Variants in SEMA5A observed in about 807,000 individuals in gnomAD.
The protein encoded by SEMA5A is semaphorin 5A, also known as semaphorin-5A.
A neutral mutation model predicts 135.5 loss-of-function variants in SEMA5A; 55 were observed. That is an observed-to-expected ratio of 0.41 (90% confidence interval 0.33 to 0.51). SEMA5A has a LOEUF of 0.51. Ranked by LOEUF, SEMA5A falls within the 20% of genes least tolerant of loss-of-function variation. SEMA5A has a pLI of 0.37. For missense variants in SEMA5A, 1,290 were observed against 1,419.9 expected (o/e 0.91, Z 1.47); for synonymous variants, 580 against 546.5 (o/e 1.06, Z -0.85).
intron 15 of SEMA5A, among the ~76,000 whole-genome samples, chr5:9,113,497 A>C (rs1740351734): frequency 6.6e-6 from 1 of 152,352 alleles, no homozygotes; most frequent in East Asian, 1.9e-4. Context: ...GACGTGATGC[A>C]TGTGCCAATT....
At chr5:9,122,550 C>T (rs1579433608) in intron 14 of SEMA5A, 106 bp downstream of exon 14, 1 of 1,171,104 alleles carries the variant, frequency 8.5e-7, no homozygotes, top group Non-Finnish European at 1.1e-6. Context: ...GGTGTTTCAC[C>T]ACAGTTCTCT....
intron 20 of SEMA5A, 110 bp from the exon 21 acceptor site, chr5:9,050,567 GT>G: frequency 2.2e-6 from 2 of 910,798 alleles, no homozygotes; most frequent in South Asian, 4.7e-5. Context: ...GTGACACAAA[GT>G]TTCAAAAGCT....
chr5:9,459,260 C>T (rs893344839), intron 1 of SEMA5A, among the ~76,000 whole-genome samples: 4 of 152,176 alleles, frequency 2.6e-5, no homozygotes, highest in Non-Finnish European at 4.4e-5. Flanking sequence ...TGCATGATCC[C>T]TTGAGGGTAG....
At chr5:9,475,116 G>C (rs548473323) in intron 1 of SEMA5A, among the ~76,000 whole-genome samples, 1 of 152,308 alleles carries the variant, frequency 6.6e-6, no homozygotes, top group African/African-American at 2.4e-5. Context: ...ATTTTTAGGA[G>C]AGACTGAGTT....
chr5:9,437,468 T>C (rs1241120312), intron 2 of SEMA5A, among the ~76,000 whole-genome samples: 4 of 152,168 alleles, frequency 2.6e-5, no homozygotes, highest in Admixed American at 1.3e-4. Context: ...GTGATCCTCA[T>C]GCCTCAGCCT....
chr5:9,291,290 C>G (rs998678109), intron 5 of SEMA5A, among the ~76,000 whole-genome samples: 1 of 152,168 alleles, frequency 6.6e-6, no homozygotes, highest in Non-Finnish European at 1.5e-5. Context: ...GCATGTCCCC[C>G]ACAGGCTCTC....
chr5:9,394,557 T>C (rs375996492), intron 2 of SEMA5A, among the ~76,000 whole-genome samples: 2 of 152,078 alleles, frequency 1.3e-5, no homozygotes, highest in East Asian at 3.9e-4. Context: ...ATTTATGGAA[T>C]GAACATAACA....
intron 12 of SEMA5A, among the ~76,000 whole-genome samples, chr5:9,139,325 T>C (rs1741936405): frequency 6.6e-6 from 1 of 152,244 alleles, no homozygotes; most frequent in Admixed American, 6.5e-5. Context: ...CATGTAGTTA[T>C]AGGCATTATT....
At chr5:9,408,897 T>C (rs1405087146) in intron 2 of SEMA5A, among the ~76,000 whole-genome samples, 1 of 152,208 alleles carries the variant, frequency 6.6e-6, no homozygotes, top group East Asian at 1.9e-4. Context: ...AACAGAATCC[T>C]ATTTTTAAGA....
At chr5:9,093,535 C>T (rs7727045) in intron 16 of SEMA5A, among the ~76,000 whole-genome samples, 39,442 of 151,692 alleles carry the variant, frequency 0.26, 5,349 homozygotes, top group Non-Finnish European at 0.31. Flanking sequence ...GGTGAAACCC[C>T]GTCTCTACTA....
At chr5:9,207,476 C>T (rs1378352406) in intron 8 of SEMA5A, among the ~76,000 whole-genome samples, 1 of 152,232 alleles carries the variant, frequency 6.6e-6, no homozygotes, top group Non-Finnish European at 1.5e-5. Flanking sequence ...TGAGCCACTG[C>T]CCCTGGTCTA....
rs142722238 is a variant in SEMA5A at position 9,194,134 on chromosome 5, T to A, written c.1068+3034A>T. On this transcript the variant is annotated intron_variant, in intron 10 of 22. Coordinates refer to ENST00000382496, the MANE Select transcript of SEMA5A (RefSeq NM_003966.3). ...CACTGGGCCTCGGTGATGTTTTATATCAGTGATTGCCGCGTGTCTTACTGA... is the reference window on the plus strand; with the variant it reads ...CACTGGGCCTCGGTGATGTTTTATAACAGTGATTGCCGCGTGTCTTACTGA... Among the ~76,000 whole-genome samples, 1,194 of 152,282 alleles carry A rather than the reference T, an allele frequency of 7.8e-3. 11 individuals are homozygous for A. The highest frequency in any genetic ancestry group is 0.014 in the Middle Eastern group (4 of 294).
At chr5:9,458,549 C>T (rs113187150) in intron 1 of SEMA5A, among the ~76,000 whole-genome samples, 15 of 152,294 alleles carry the variant, frequency 9.8e-5, no homozygotes, top group African/African-American at 2.2e-4. Flanking sequence ...CCACCCAGCA[C>T]GCCAAGGCAG....
intron 12 of SEMA5A, among the ~76,000 whole-genome samples, chr5:9,145,460 A>G (rs889465147): frequency 6.6e-6 from 1 of 152,150 alleles, no homozygotes; most frequent in Admixed American, 6.5e-5. Context: ...AATTCACTGG[A>G]CTATGCAGCA....
intron 3 of SEMA5A, among the ~76,000 whole-genome samples, chr5:9,350,926 A>G (rs1203889015): frequency 6.6e-6 from 1 of 152,228 alleles, no homozygotes; most frequent in Non-Finnish European, 1.5e-5. Flanking sequence ...CTTCTAGAAA[A>G]TCATTGAACC....
chr5:9,363,548 G>A (rs1754791925), intron 3 of SEMA5A: 1 of 152,206 alleles, frequency 6.6e-6, no homozygotes. Context: ...ACTAGCAAAT[G>A]TTTTCACTTG....
chr5:9,388,386 T>C (rs192716079), intron 2 of SEMA5A, among the ~76,000 whole-genome samples: 2 of 152,102 alleles, frequency 1.3e-5, no homozygotes, highest in South Asian at 2.1e-4. Context: ...ATATTAATTT[T>C]ATCTGTCAGC....
In SEMA5A at chr5:9,036,384, A is replaced by C. The variant is rs930279657; in HGVS notation, c.*6513T>G. On this transcript the variant is annotated 3_prime_UTR_variant, in exon 23 of 23. Coordinates refer to ENST00000382496, the MANE Select transcript of SEMA5A (RefSeq NM_003966.3). ...ATATAAACTTAAAAATAATCAGGCA[A>C]TGTTGTAGGTGGTTCTCATTCCATG... 6.6e-6 allele frequency: 1 copy of C among 151,558 alleles called. No individual in the cohort carries two copies. Among genetic ancestry groups the C allele is most frequent in the Non-Finnish European group, 1.5e-5 (1 of 67,888 alleles). The allele number at this position is 151,558 out of a possible 1,614,324, so 9.4% of individuals were successfully genotyped here.
intron 16 of SEMA5A, among the ~76,000 whole-genome samples, chr5:9,087,214 T>C (rs6878054): frequency 0.14 from 20,701 of 152,274 alleles, 1,831 homozygotes; most frequent in Non-Finnish European, 0.2. Flanking sequence ...ATTACCGACA[T>C]GGCTGTTTTC....
Sources: allele counts gnomAD v4.1 joint callset (sites outside exome capture counted in the v4.1 genomes callset), GRCh38; gene constraint gnomAD v4.1.1; transcripts MANE v1.5; gene names NCBI Gene and HGNC (gene_info 2026-07-23, HGNC 2026-07-21).